The following RGS17 variants were observed in gnomAD, a reference collection of about 807,000 sequenced individuals.
RGS17 encodes the protein regulator of G protein signaling 17, also known as regulator of G-protein signaling 17.
In RGS17, 12 loss-of-function variants were observed where a neutral mutation model predicts 25.5. The observed-to-expected ratio is 0.47, with a 90% CI of 0.30 to 0.76. The LOEUF is 0.76. RGS17 is among the 30% of genes least tolerant of loss of function. The probability of loss-of-function intolerance (pLI) is 0.07; values close to 1 mark genes in which losing one functional copy is unlikely to be tolerated. For synonymous variants in RGS17, 71 were observed against 76.9 expected, an observed-to-expected ratio of 0.92 and a Z score of 0.40; for missense variants, 196 against 242.2, an observed-to-expected ratio of 0.81 and a Z score of 1.27.
intron 4 of RGS17, among the ~76,000 whole-genome samples, chr6:153,012,011 T>G (rs933158396): frequency 6.6e-6 from 1 of 152,218 alleles, no homozygotes; most frequent in African/African-American, 2.4e-5. Flanking sequence ...GCTTACTTGG[T>G]TTTATGGTTT....
chr6:153,075,131 T>C (rs1776860183), intron 1 of RGS17, among the ~76,000 whole-genome samples: 1 of 152,206 alleles, frequency 6.6e-6, no homozygotes, highest in Non-Finnish European at 1.5e-5. Flanking sequence ...TTTGCAAAGA[T>C]AAATTAGGTA....
intron 1 of RGS17, among the ~76,000 whole-genome samples, chr6:153,077,077 GA>G (rs1776893095): frequency 1.3e-5 from 2 of 152,114 alleles, no homozygotes; most frequent in African/African-American, 4.8e-5. Context: ...CCTCATAACT[GA>G]TGCAACAGGA....
chr6:153,052,567 G>A (rs1313092289), intron 1 of RGS17, among the ~76,000 whole-genome samples: 1 of 151,932 alleles, frequency 6.6e-6, no homozygotes, highest in African/African-American at 2.4e-5. Flanking sequence ...GTTCATAGCT[G>A]GAGAGGAGTT....
intron 4 of RGS17, among the ~76,000 whole-genome samples, chr6:153,014,302 G>A (rs896329721): frequency 6.6e-6 from 1 of 152,116 alleles, no homozygotes; most frequent in Non-Finnish European, 1.5e-5. Flanking sequence ...GGTGTTTTAA[G>A]CCCACTGTCG....
At chr6:153,022,214 A>C (rs1381788857) in intron 4 of RGS17, among the ~76,000 whole-genome samples, 2 of 152,226 alleles carry the variant, frequency 1.3e-5, no homozygotes, top group African/African-American at 4.8e-5. Flanking sequence ...TCTCAAAAAA[A>C]ATTAGATGAA....
chr6:153,085,041 G>T (rs1301419833), intron 1 of RGS17, among the ~76,000 whole-genome samples: 1 of 152,158 alleles, frequency 6.6e-6, no homozygotes, highest in African/African-American at 2.4e-5. Context: ...TTAAAACTGT[G>T]TTTTAATTTA....
intron 1 of RGS17, among the ~76,000 whole-genome samples, chr6:153,065,280 A>C (rs1387272708): frequency 6.6e-6 from 1 of 152,178 alleles, no homozygotes; most frequent in Non-Finnish European, 1.5e-5. Flanking sequence ...TCCAACCAGA[A>C]ATAAATAAAA....
chr6:153,071,898 C>A (rs992244377), intron 1 of RGS17, among the ~76,000 whole-genome samples: 3 of 152,060 alleles, frequency 2.0e-5, no homozygotes, highest in African/African-American at 7.2e-5. Flanking sequence ...CTAAGTCATG[C>A]AATTATAAAA....
chr6:153,094,896 T>G (rs1287421288), intron 1 of RGS17, among the ~76,000 whole-genome samples: 4 of 83,734 alleles, frequency 4.8e-5, no homozygotes, highest in African/African-American at 1.5e-4. Context: ...TTTAAACATT[T>G]TAAATCACTT....
chr6:153,020,390 T>A (rs1779236779), intron 4 of RGS17, among the ~76,000 whole-genome samples: 1 of 151,596 alleles, frequency 6.6e-6, no homozygotes, highest in Non-Finnish European at 1.5e-5. Context: ...CCCGACCTTG[T>A]AATCCACCCA....
chr6:153,108,508 C>T (rs1450662123), intron 1 of RGS17, among the ~76,000 whole-genome samples: 1 of 151,840 alleles, frequency 6.6e-6, no homozygotes, highest in African/African-American at 2.4e-5. Context: ...AATAAGCTCA[C>T]TTCTCCCCCT....
intron 1 of RGS17, among the ~76,000 whole-genome samples, chr6:153,051,416 G>C (rs946732392): frequency 1.3e-5 from 2 of 152,180 alleles, no homozygotes; most frequent in African/African-American, 4.8e-5. Context: ...TAGAAATATG[G>C]ATAGTAAAGG....
chr6:153,018,983 T>C (rs900903022), intron 4 of RGS17, among the ~76,000 whole-genome samples: 18 of 152,266 alleles, frequency 1.2e-4, no homozygotes, highest in African/African-American at 4.1e-4. Flanking sequence ...CATTATTTTG[T>C]AGATAATTCT....
intron 1 of RGS17, among the ~76,000 whole-genome samples, chr6:153,113,831 C>T (rs1310811585): frequency 2.6e-5 from 4 of 151,950 alleles, no homozygotes; most frequent in South Asian, 2.1e-4. Context: ...GAAAGACTAC[C>T]GCGTAAATAA....
chr6:153,103,335 T>A (rs1777332774), intron 1 of RGS17, among the ~76,000 whole-genome samples: 1 of 152,186 alleles, frequency 6.6e-6, no homozygotes, highest in Non-Finnish European at 1.5e-5. Context: ...ATTTAATATA[T>A]GCCATAATTA....
At chr6:153,046,088 G>A (rs1340579696) in intron 1 of RGS17, among the ~76,000 whole-genome samples, 2 of 152,096 alleles carry the variant, frequency 1.3e-5, no homozygotes, top group African/African-American at 4.8e-5. Flanking sequence ...AATAAGCAAG[G>A]AACAGAAGTT....
At chr6:153,107,763 T>C (rs1437782469) in intron 1 of RGS17, among the ~76,000 whole-genome samples, 2 of 152,196 alleles carry the variant, frequency 1.3e-5, no homozygotes, top group Non-Finnish European at 2.9e-5. Flanking sequence ...CATCTATCAT[T>C]TCAAAACAAA....
At chr6:153,072,068 G>T (rs571350231) in intron 1 of RGS17, among the ~76,000 whole-genome samples, 1 of 152,116 alleles carries the variant, frequency 6.6e-6, no homozygotes, top group African/African-American at 2.4e-5. Context: ...GTCTTTTGAG[G>T]CTAAGAATCC....
At chr6:153,025,117 C>T (rs1051924290) in intron 3 of RGS17, among the ~76,000 whole-genome samples, 2 of 150,574 alleles carry the variant, frequency 1.3e-5, no homozygotes, top group African/African-American at 4.9e-5. Flanking sequence ...TGAGGTCAGC[C>T]TGGGAAACAT....
Sources: allele counts gnomAD v4.1 joint callset (sites outside exome capture counted in the v4.1 genomes callset), GRCh38; gene constraint gnomAD v4.1.1; transcripts MANE v1.5; gene names NCBI Gene and HGNC (gene_info 2026-07-23, HGNC 2026-07-21).